Variants in TRIO observed in about 807,000 individuals in gnomAD.
TRIO encodes the protein triple functional domain protein.
TRIO carries 58 observed loss-of-function variants against 351.9 expected under a neutral mutation model. That is an observed-to-expected ratio of 0.16 (90% CI 0.13 to 0.21). The LOEUF (loss-of-function observed/expected upper bound fraction) is 0.21, where lower values mean the gene tolerates loss of function less well. TRIO is among the 10% of genes least tolerant of loss of function. The pLI, the probability that TRIO is intolerant of heterozygous loss-of-function variation, is 1.00. For synonymous variants in TRIO, 1,758 were observed against 1,595.7 expected (o/e 1.10, Z -2.42); for missense variants, 3,201 against 4,027.8 (o/e 0.79, Z 5.56).
chr5:14,335,023 G>A (rs1168192781), intron 10 of TRIO, among the ~76,000 whole-genome samples: 1 of 81,486 alleles, frequency 1.2e-5, no homozygotes, highest in Non-Finnish European at 2.4e-5. Context: ...GATCTGTCTC[G>A]TGTGTGTGTG....
intron 1 of TRIO, among the ~76,000 whole-genome samples, chr5:14,181,476 C>T (rs535278948): frequency 6.6e-6 from 1 of 152,336 alleles, no homozygotes; most frequent in African/African-American, 2.4e-5. Flanking sequence ...ATTCTGTGGC[C>T]TGCCCAATCT....
intron 27 of TRIO, 33 bp from the exon 28 acceptor site, chr5:14,394,005 A>G (rs375494143): frequency 2.0e-6 from 3 of 1,489,582 alleles, no homozygotes; most frequent in East Asian, 4.5e-5. Context: ...TAGCCCTATG[A>G]TAACTCTTGT....
At chr5:14,165,108 C>G (rs946650313) in intron 1 of TRIO, among the ~76,000 whole-genome samples, 2 of 152,148 alleles carry the variant, frequency 1.3e-5, no homozygotes, top group Non-Finnish European at 2.9e-5. Context: ...CCCAGTAGCT[C>G]TACTTTTATT....
At position 14,212,053 on chromosome 5, in the gene TRIO, C is replaced by T. The variant is rs552366162; in HGVS notation, c.158-58772C>T. On this transcript the variant is annotated intron_variant, in intron 1 of 56. Transcript: ENST00000344204. ...ACTTGGGAGGCTGAGGTTGGAGGATCACTTGAGCTTGGGAGTTTGAGGCTA... is the reference window on the plus strand; with the variant it reads ...ACTTGGGAGGCTGAGGTTGGAGGATTACTTGAGCTTGGGAGTTTGAGGCTA... Among the ~76,000 whole-genome samples, 14 of 152,028 alleles carry T rather than the reference C, an allele frequency of 9.2e-5. No homozygotes were observed. The East Asian group carries it at 2.7e-3, about 29-fold the overall frequency.
At chr5:14,362,701 G>A (rs554677853) in intron 13 of TRIO, among the ~76,000 whole-genome samples, 1 of 152,270 alleles carries the variant, frequency 6.6e-6, no homozygotes, top group South Asian at 2.1e-4. Flanking sequence ...GTGGTGCATC[G>A]TAGTTCCCCA....
chr5:14,437,555 A>G lies in TRIO; in HGVS notation c.5203+17534A>G, dbSNP rs367738938. ...TTCTGGAGACTGAGAGTTAGAGATC[A>G]GGGTGTCAGCAGAGTAGGTTTCTCC... is the stretch of plus-strand genomic sequence containing the variant. On this transcript the variant is annotated intron_variant, in intron 34 of 56. Coordinates refer to ENST00000344204, the MANE Select transcript of TRIO (RefSeq NM_007118.4). Among the ~76,000 whole-genome samples the G allele has an allele frequency of 1.4e-3, 208 of 152,304 alleles. 7 individuals are homozygous for G. The South Asian group carries it at 0.042, about 31-fold the overall frequency.
At chr5:14,454,474 C>T (rs1753091730) in intron 34 of TRIO, among the ~76,000 whole-genome samples, 2 of 152,190 alleles carry the variant, frequency 1.3e-5, no homozygotes, top group African/African-American at 2.4e-5. Context: ...TACTTGTGTT[C>T]ACTTCAAAAC....
chr5:14,390,165 G>T, intron 25 of TRIO, 66 bp from the exon 26 acceptor site: 1 of 1,443,516 alleles, frequency 6.9e-7, no homozygotes, highest in Non-Finnish European at 9.6e-7. Flanking sequence ...TCAGTTTCTG[G>T]CATATCTCAC....
intron 1 of TRIO, among the ~76,000 whole-genome samples, chr5:14,194,562 C>A (rs1421858680): frequency 6.6e-6 from 1 of 152,144 alleles, no homozygotes. Flanking sequence ...TCAGTGAAAT[C>A]CATGTTTCAA....
chr5:14,264,739 C>T (rs1242056275), intron 1 of TRIO, among the ~76,000 whole-genome samples: 5 of 152,180 alleles, frequency 3.3e-5, no homozygotes, highest in Non-Finnish European at 1.5e-5. Context: ...CACGTGCGGC[C>T]GCTCCCTGTG....
chr5:14,164,641 A>C (rs1788660909), intron 1 of TRIO, among the ~76,000 whole-genome samples: 1 of 152,222 alleles, frequency 6.6e-6, no homozygotes, highest in African/African-American at 2.4e-5. Flanking sequence ...TTTAAAGAGT[A>C]AGTAGTTCTC....
At chr5:14,279,398 T>G (rs1025155334) in intron 2 of TRIO, among the ~76,000 whole-genome samples, 6 of 152,214 alleles carry the variant, frequency 3.9e-5, no homozygotes, top group Non-Finnish European at 7.3e-5. Context: ...TTTTAGATGA[T>G]GATTTTTGGT....
At chr5:14,203,129 C>A (rs1791236554) in intron 1 of TRIO, among the ~76,000 whole-genome samples, 1 of 152,132 alleles carries the variant, frequency 6.6e-6, no homozygotes, top group Admixed American at 6.5e-5. Context: ...TTTGATTATT[C>A]TGTTTGTGTA....
intron 1 of TRIO, among the ~76,000 whole-genome samples, chr5:14,197,633 G>T (rs1284864830): frequency 6.6e-6 from 1 of 152,174 alleles, no homozygotes; most frequent in Non-Finnish European, 1.5e-5. Flanking sequence ...CTATTTGCAA[G>T]CTAGGTTAAC....
intron 1 of TRIO, among the ~76,000 whole-genome samples, chr5:14,254,436 T>C (rs1304274568): frequency 6.6e-6 from 1 of 152,218 alleles, no homozygotes; most frequent in East Asian, 1.9e-4. Flanking sequence ...TAAAGGAGTC[T>C]TGGGCTTCAA....
chr5:14,450,942 C>A (rs1304249708), intron 34 of TRIO, among the ~76,000 whole-genome samples: 1 of 152,210 alleles, frequency 6.6e-6, no homozygotes, highest in African/African-American at 2.4e-5. Context: ...ACAGATGATA[C>A]ACCAAACATA....
intron 23 of TRIO, 148 bp from the exon 24 acceptor site, chr5:14,388,465 A>G (rs1746744817): frequency 1.4e-6 from 1 of 736,018 alleles, no homozygotes; most frequent in Non-Finnish European, 2.3e-6. Flanking sequence ...GCGGGTGGAT[A>G]CTGTTCTATT....
intron 1 of TRIO, among the ~76,000 whole-genome samples, chr5:14,259,523 A>G (rs902727371): frequency 6.6e-6 from 1 of 152,232 alleles, no homozygotes; most frequent in African/African-American, 2.4e-5. Flanking sequence ...ATAGGGGCCT[A>G]TCTACCAGAA....
chr5:14,275,835 CAGAGTA>C (rs1312834425), intron 2 of TRIO, among the ~76,000 whole-genome samples: 1 of 145,904 alleles, frequency 6.9e-6, no homozygotes, highest in African/African-American at 2.5e-5. Context: ...ATATATATAC[CAGAGTA>C]AAACACAACT....
Sources: allele counts gnomAD v4.1 joint callset (sites outside exome capture counted in the v4.1 genomes callset), GRCh38; gene constraint gnomAD v4.1.1; transcripts MANE v1.5; gene names NCBI Gene and HGNC (gene_info 2026-07-23, HGNC 2026-07-21).